Variants in RNF150 observed in about 807,000 individuals in gnomAD.
RNF150 encodes the protein ring finger protein 150.
Under a neutral mutation model 39.3 loss-of-function variants are expected in RNF150, and 24 were observed. The observed-to-expected ratio is 0.61, with a 90% CI of 0.44 to 0.86. The LOEUF (loss-of-function observed/expected upper bound fraction) is 0.86, where lower values mean the gene tolerates loss of function less well. Among genes scored for constraint, RNF150 ranks in the 40% least tolerant of loss-of-function variants. The pLI is 0.00. For synonymous variants in RNF150, 255 were observed against 227.3 expected, an observed-to-expected ratio of 1.12 and a Z score of -1.10; for missense variants, 502 against 587.8, an observed-to-expected ratio of 0.85 and a Z score of 1.51.
intron 1 of RNF150, among the ~76,000 whole-genome samples, chr4:141,191,593 G>T (rs531016613): frequency 6.6e-6 from 1 of 152,334 alleles, no homozygotes; most frequent in African/African-American, 2.4e-5. Flanking sequence ...CAATGAAGAG[G>T]AGATGGTGTG....
chr4:141,189,461 G>A (rs1578788656), intron 1 of RNF150, among the ~76,000 whole-genome samples: 1 of 152,146 alleles, frequency 6.6e-6, no homozygotes, highest in Non-Finnish European at 1.5e-5. Context: ...CAGAGTCAGC[G>A]GGCAGGAATG....
At chr4:140,892,164 TG>T (rs200018492) in intron 6 of RNF150, among the ~76,000 whole-genome samples, 4,568 of 152,270 alleles carry the variant, frequency 0.03, 217 homozygotes, top group African/African-American at 0.11. Flanking sequence ...GAGATTTTTT[TG>T]TCCTGAATAT....
chr4:140,921,878 T>A (rs1731168617), intron 5 of RNF150, among the ~76,000 whole-genome samples: 1 of 152,072 alleles, frequency 6.6e-6, no homozygotes, highest in Admixed American at 6.6e-5. Context: ...CACATGATTA[T>A]CTGAATAGAT....
intron 1 of RNF150, among the ~76,000 whole-genome samples, chr4:141,123,298 T>A (rs1726662202): frequency 6.6e-6 from 1 of 152,162 alleles, no homozygotes. Flanking sequence ...CCCACTCTTG[T>A]GGAGCTTACT....
In RNF150 at chr4:140,883,092, A is replaced by G. The variant is rs187155512; in HGVS notation, c.1199-14713T>C. 3.5e-3 allele frequency among the ~76,000 whole-genome samples: 530 copies of G among 152,138 alleles called. 7 individuals are homozygous for G. The highest frequency in any genetic ancestry group is 0.012 in the African/African-American group (496 of 41,520). ...AGTATTTTCTTTGTGGTTACTATAG[A>G]GATGACATAAAACATGTCAGAGTTA... On this transcript the variant is annotated intron_variant, in intron 6 of 6. Transcript: ENST00000515673.
chr4:141,157,004 A>G (rs1727417194), intron 1 of RNF150, among the ~76,000 whole-genome samples: 1 of 152,204 alleles, frequency 6.6e-6, no homozygotes, highest in African/African-American at 2.4e-5. Context: ...GTGAATATGT[A>G]AGGATGCTTT....
chr4:141,004,427 G>A (rs1734792944), intron 1 of RNF150, among the ~76,000 whole-genome samples: 1 of 152,168 alleles, frequency 6.6e-6, no homozygotes, highest in African/African-American at 2.4e-5. Flanking sequence ...AGCAGAGATG[G>A]AGGGTGGGAA....
intron 1 of RNF150, among the ~76,000 whole-genome samples, chr4:141,113,598 TAGAC>T (rs1448989399): frequency 6.6e-6 from 1 of 152,072 alleles, no homozygotes; most frequent in African/African-American, 2.4e-5. Context: ...CTGTCAATAT[TAGAC>T]AGATCAACGA....
chr4:141,203,741 T>C (rs934969788), intron 1 of RNF150, among the ~76,000 whole-genome samples: 6 of 140,208 alleles, frequency 4.3e-5, no homozygotes. Flanking sequence ...TAGAGAAAAG[T>C]CCCCCTGAGA....
rs760938767 is a variant in RNF150 at position 141,132,506 on chromosome 4, G to C, written c.303C>G (p.Ala101=). 6.2e-7 allele frequency: 1 copy of C among 1,605,468 alleles called. No individual in the cohort carries two copies. The highest frequency in any genetic ancestry group is 2.2e-5 in the East Asian group (1 of 44,460). ...VMASSAHDRL[A]CDPNTKFAAP... ...CGGCGAACTTGGTGTTGGGGTCGCA[G>C]GCCAGGCGGTCGTGGGCCGAGCTGG... The change falls in exon 1 of 7, where the codon GCC becomes GCG. Residue 101 remains alanine, a synonymous_variant. Transcript: ENST00000515673. The surrounding 1 kb of genome is among the most constrained non-coding windows in gnomAD (Gnocchi z 4.9).
chr4:141,068,249 T>C (rs1391531123), intron 1 of RNF150, among the ~76,000 whole-genome samples: 1 of 152,198 alleles, frequency 6.6e-6, no homozygotes, highest in African/African-American at 2.4e-5. Flanking sequence ...CCAGCCAAGA[T>C]ACATTCTTCT....
intron 1 of RNF150, among the ~76,000 whole-genome samples, chr4:140,976,866 T>TC (rs1733684557): frequency 6.6e-6 from 1 of 152,106 alleles, no homozygotes; most frequent in Non-Finnish European, 1.5e-5. Context: ...CACCTTTTTT[T>TC]CACTTGAAAT....
rs143120329 is a variant in RNF150, at chr4:141,101,750, T to G, written c.484+30575A>C. Among the ~76,000 whole-genome samples the G allele has an allele frequency of 3.1e-3, 465 of 152,218 alleles. 1 individual carries two copies. The highest frequency in any genetic ancestry group is 9.9e-3 in the African/African-American group (412 of 41,532). Reference sequence around the variant, plus strand: ...TACAACAGCTACAACGTCACCAGGTTGTAGAAATTTTTTAGCTCCATTATA... The same window carrying G: ...TACAACAGCTACAACGTCACCAGGTGGTAGAAATTTTTTAGCTCCATTATA... On this transcript the variant is annotated intron_variant, in intron 1 of 6. Transcript: ENST00000515673.
intron 1 of RNF150, among the ~76,000 whole-genome samples, chr4:141,119,568 T>C (rs908925970): frequency 4.6e-5 from 7 of 152,236 alleles, no homozygotes; most frequent in Non-Finnish European, 5.9e-5. Flanking sequence ...GTCCCCCTGC[T>C]GACATCCAAA....
upstream of RNF150, among the ~76,000 whole-genome samples, chr4:141,138,441 A>G (rs568587033): frequency 6.6e-6 from 1 of 152,208 alleles, no homozygotes; most frequent in African/African-American, 2.4e-5. Context: ...TATATTCCAC[A>G]TAACTGCAAA....
chr4:140,920,118 T>C (rs1042212098), intron 5 of RNF150, among the ~76,000 whole-genome samples: 60 of 150,148 alleles, frequency 4.0e-4, no homozygotes, highest in Non-Finnish European at 7.8e-4. Flanking sequence ...ATTCAGGACA[T>C]AGGCATGGGC....
chr4:140,875,625 C>T (rs566458466), intron 6 of RNF150, among the ~76,000 whole-genome samples: 4 of 152,194 alleles, frequency 2.6e-5, no homozygotes, highest in South Asian at 2.1e-4. Flanking sequence ...CTCAAACTCA[C>T]GAAAGGCTAA....
At chr4:141,203,449 T>C (rs1232981900) in intron 1 of RNF150, among the ~76,000 whole-genome samples, 2 of 151,728 alleles carry the variant, frequency 1.3e-5, no homozygotes, top group Non-Finnish European at 2.9e-5. Flanking sequence ...AATACTCGAT[T>C]ATAACAAAAA....
chr4:141,063,773 G>T lies in RNF150; in HGVS notation c.484+68552C>A, dbSNP rs572042336. Among the ~76,000 whole-genome samples the T allele has an allele frequency of 7.9e-5, 12 of 152,204 alleles. No homozygotes were observed. The South Asian group carries it at 2.5e-3, about 32-fold the overall frequency. ...ACAAAAATCCTTTGCAGATTTTACAGATTCTCACAGTTTCATGTGTGTGCC... is the reference window on the plus strand; with the variant it reads ...ACAAAAATCCTTTGCAGATTTTACATATTCTCACAGTTTCATGTGTGTGCC... On this transcript the variant is annotated intron_variant, in intron 1 of 6. Transcript: ENST00000515673.
Sources: allele counts gnomAD v4.1 joint callset (sites outside exome capture counted in the v4.1 genomes callset), GRCh38; gene constraint gnomAD v4.1.1; non-coding constraint Gnocchi (gnomAD v3.1); transcripts MANE v1.5; gene names NCBI Gene and HGNC (gene_info 2026-07-23, HGNC 2026-07-21).